Variants in ATP2B2 observed in about 807,000 individuals in gnomAD.
ATP2B2 encodes the protein ATPase plasma membrane Ca2+ transporting 2.
A neutral mutation model predicts 120.0 loss-of-function variants in ATP2B2; 15 were observed. The observed-to-expected ratio is 0.12, with a 90% CI of 0.08 to 0.19. The LOEUF is 0.19. Among genes scored for constraint, ATP2B2 ranks in the 10% least tolerant of loss-of-function variants. ATP2B2 has a pLI of 1.00. For synonymous variants in ATP2B2, 694 were observed against 700.3 expected, an observed-to-expected ratio of 0.99 and a Z score of 0.14; for missense variants, 1,045 against 1,719.8, an observed-to-expected ratio of 0.61 and a Z score of 6.94.
Position 10,346,670 on chromosome 3 carries a change from GAAT to G in ATP2B2, c.2405-536_2405-534del, listed in dbSNP as rs774263600. Among the ~76,000 whole-genome samples, 2 of 152,102 alleles carry G rather than the reference GAAT, an allele frequency of 1.3e-5. No individual in the cohort carries two copies. Among genetic ancestry groups the G allele is most frequent in the Non-Finnish European group, 2.9e-5 (2 of 68,032 alleles). On this transcript the variant is annotated intron_variant, in intron 16 of 22. Coordinates refer to ENST00000360273, the MANE Select transcript of ATP2B2 (RefSeq NM_001001331.4). The surrounding 1 kb of genome is among the most constrained non-coding windows in gnomAD (Gnocchi z 4.1). ...ATTCATCTTCAATAAAACATTCAAC[GAAT>G]AACAGAATGAACAAATGACATGTGG...
In ATP2B2 at chr3:10,375,618, T is replaced by C. The variant is rs1488876496; in HGVS notation, c.1228A>G (p.Ile410Val). 1 of 1,613,728 alleles carries C rather than the reference T, an allele frequency of 6.2e-7. No individual in the cohort carries two copies. Among genetic ancestry groups the C allele is most frequent in the Non-Finnish European group, 8.5e-7 (1 of 1,180,026 alleles). Residue 410 changes from isoleucine to valine, a missense_variant, in exon 11 of 23, where the codon ATC (isoleucine) becomes GTC (valine). Coordinates refer to ENST00000360273, the MANE Select transcript of ATP2B2 (RefSeq NM_001001331.4). This position sits in a 1 kb window ranked among gnomAD's most constrained non-coding sequence, Gnocchi z 4.2. ...AGLVMSAITV[I>V]ILVLYFTVDT... ...ACAGTGAAGTAGAGCACCAGGATGA[T>C]CACCGTGATGGCTGACATCACCAAG... is the stretch of plus-strand genomic sequence containing the variant.
chr3:10,451,211 T>C (rs1252472250), intron 1 of ATP2B2, among the ~76,000 whole-genome samples: 2 of 152,202 alleles, frequency 1.3e-5, no homozygotes, highest in Non-Finnish European at 2.9e-5. Context: ...TCCTGGCTCA[T>C]AGCCCTGGGC....
At chr3:10,553,942 T>G (rs950790988) in intron 2 of ATP2B2, among the ~76,000 whole-genome samples, 1 of 141,648 alleles carries the variant, frequency 7.1e-6, no homozygotes, top group African/African-American at 2.7e-5. Context: ...CCTGGGGTTT[T>G]GTGAAAAGAA....
chr3:10,445,514 A>AG (rs1357300747), intron 2 of ATP2B2, among the ~76,000 whole-genome samples: 1 of 152,198 alleles, frequency 6.6e-6, no homozygotes, highest in Non-Finnish European at 1.5e-5. Flanking sequence ...ACAGCCTCAC[A>AG]GGGGGGCAGG....
At position 10,639,825 on chromosome 3, in the gene ATP2B2, A is replaced by T. The variant is rs188264814; in HGVS notation, c.-459-19864T>A. Among the ~76,000 whole-genome samples the T allele has an allele frequency of 2.6e-5, 4 of 152,318 alleles. No homozygotes were observed. The East Asian group carries it at 5.8e-4, about 22-fold the overall frequency. Reference sequence around the variant, plus strand: ...ACCTTTCTCTCTCCTGCCACCTTCTAGTCTCCTGCTGATGTCTCCCATTGC... The same window carrying T: ...ACCTTTCTCTCTCCTGCCACCTTCTTGTCTCCTGCTGATGTCTCCCATTGC... On this transcript the variant is annotated intron_variant, in intron 1 of 21. Transcript: ENST00000646379.
intron 1 of ATP2B2, among the ~76,000 whole-genome samples, chr3:10,680,323 C>T (rs1559518325): frequency 6.6e-6 from 1 of 151,908 alleles, no homozygotes; most frequent in African/African-American, 2.4e-5. Flanking sequence ...TCTGAGGGTT[C>T]TGGAGGCCCA....
chr3:10,420,782 T>C (rs2062951348), intron 2 of ATP2B2, among the ~76,000 whole-genome samples: 1 of 152,236 alleles, frequency 6.6e-6, no homozygotes, highest in Non-Finnish European at 1.5e-5. Flanking sequence ...TTAGCTGCTA[T>C]TGTTGTTGCT....
intron 1 of ATP2B2, among the ~76,000 whole-genome samples, chr3:10,623,690 C>T (rs977824807): frequency 6.6e-6 from 1 of 152,186 alleles, no homozygotes; most frequent in African/African-American, 2.4e-5. Flanking sequence ...GTACCTGGTT[C>T]TCTGTGATAC....
In ATP2B2 at chr3:10,350,382, A is replaced by T; in HGVS notation, c.2316+16T>A. ...GAGCGCGTTCCCCTGAGGATGCTTTACGTTGGGACACGCACCTCCCCCTTC... is the reference window on the plus strand; with the variant it reads ...GAGCGCGTTCCCCTGAGGATGCTTTTCGTTGGGACACGCACCTCCCCCTTC... On this transcript the variant is annotated intron_variant, in intron 15 of 22. Transcript: ENST00000360273. 6.2e-7 allele frequency: 1 copy of T among 1,614,104 alleles called. No individual in the cohort carries two copies. The highest frequency in any genetic ancestry group is 2.2e-5 in the East Asian group (1 of 44,876).
At chr3:10,536,040 T>G (rs999965155) in intron 2 of ATP2B2, among the ~76,000 whole-genome samples, 5 of 152,212 alleles carry the variant, frequency 3.3e-5, no homozygotes, top group Non-Finnish European at 5.9e-5. Flanking sequence ...ACATTTGGTG[T>G]TGTCACTATT....
intron 5 of ATP2B2, among the ~76,000 whole-genome samples, 171 bp downstream of exon 5, chr3:10,400,782 A>G (rs1242362982): frequency 1.3e-5 from 2 of 152,154 alleles, no homozygotes; most frequent in African/African-American, 2.4e-5. Context: ...AGTAGGCTCA[A>G]TGTGTGTTTG....
At chr3:10,660,972 T>C (rs1474609523) in intron 1 of ATP2B2, among the ~76,000 whole-genome samples, 1 of 152,158 alleles carries the variant, frequency 6.6e-6, no homozygotes, top group African/African-American at 2.4e-5. Context: ...TAACCCAGCA[T>C]ATAAACAGAA....
At chr3:10,602,046 G>A (rs138696905) in intron 2 of ATP2B2, among the ~76,000 whole-genome samples, 2,528 of 152,294 alleles carry the variant, frequency 0.017, 27 homozygotes, top group Non-Finnish European at 0.023. Context: ...TCCTCCCCGC[G>A]CCTGCAGAGG....
intron 1 of ATP2B2, among the ~76,000 whole-genome samples, chr3:10,669,669 A>G (rs1331774565): frequency 6.6e-6 from 1 of 152,128 alleles, no homozygotes; most frequent in African/African-American, 2.4e-5. Flanking sequence ...TCCCTAGACG[A>G]GGGCTCCCTC....
At chr3:10,533,814 C>T (rs561595332) in intron 3 of ATP2B2, among the ~76,000 whole-genome samples, 3 of 152,356 alleles carry the variant, frequency 2.0e-5, no homozygotes, top group African/African-American at 4.8e-5. Flanking sequence ...CCTCCACAGT[C>T]TACACCATGC....
intron 1 of ATP2B2, among the ~76,000 whole-genome samples, chr3:10,644,490 T>A (rs2125656040): frequency 6.6e-6 from 1 of 152,162 alleles, no homozygotes; most frequent in East Asian, 1.9e-4. Flanking sequence ...TTCACAAAAG[T>A]CAAAAGGTGG....
chr3:10,527,246 T>A (rs146348917), intron 3 of ATP2B2, among the ~76,000 whole-genome samples: 25 of 152,342 alleles, frequency 1.6e-4, no homozygotes, highest in Admixed American at 3.3e-4. Context: ...TAGCACCTAC[T>A]GGACACTTGC....
intron 3 of ATP2B2, 149 bp downstream of exon 3, chr3:10,410,469 T>C (rs1254707881): frequency 3.1e-5 from 31 of 1,001,142 alleles, no homozygotes; most frequent in Non-Finnish European, 4.5e-5. Context: ...ACCCTTTGGC[T>C]GTGTTGGCTA....
chr3:10,452,011 C>T (rs1184744504), intron 1 of ATP2B2, among the ~76,000 whole-genome samples: 1 of 152,230 alleles, frequency 6.6e-6, no homozygotes, highest in Non-Finnish European at 1.5e-5. Context: ...ACCTAGTAAA[C>T]AATTGTTAAA....
Sources: allele counts gnomAD v4.1 joint callset (sites outside exome capture counted in the v4.1 genomes callset), GRCh38; gene constraint gnomAD v4.1.1; non-coding constraint Gnocchi (gnomAD v3.1); transcripts MANE v1.5; gene names NCBI Gene and HGNC (gene_info 2026-07-23, HGNC 2026-07-21).